Variants in FBLN7 observed in about 807,000 individuals in gnomAD.
The protein encoded by FBLN7 is fibulin 7.
A neutral mutation model predicts 44.0 loss-of-function variants in FBLN7; 31 were observed. The observed-to-expected ratio is 0.70, with a 90% confidence interval of 0.53 to 0.95. The LOEUF is 0.95. Among genes scored for constraint, FBLN7 ranks in the 40% least tolerant of loss-of-function variants. FBLN7 has a pLI of 0.00. For missense variants in FBLN7, 573 were observed against 618.5 expected (o/e 0.93, Z 0.78); for synonymous variants, 262 against 253.4 (o/e 1.03, Z -0.32).
At chr2:112,185,709 A>G (rs755017030) in intron 7 of FBLN7, among the ~76,000 whole-genome samples, 17 of 152,124 alleles carry the variant, frequency 1.1e-4, no homozygotes, top group Admixed American at 1.1e-3. Context: ...TATAGATCAC[A>G]TGGATTTGGG....
At chr2:112,210,348 G>A in the FBLN7 span, among the ~76,000 whole-genome samples, 1 of 151,872 alleles carries the variant, frequency 6.6e-6, no homozygotes, top group Non-Finnish European at 1.5e-5. Context: ...GTTGAAGAAG[G>A]TTGTTAAAAA....
At chr2:112,183,315 C>T (rs954142612) in intron 6 of FBLN7, among the ~76,000 whole-genome samples, 2 of 152,196 alleles carry the variant, frequency 1.3e-5, no homozygotes, top group Non-Finnish European at 2.9e-5. Context: ...GACCCTGTGT[C>T]CACCTGTAAG....
chr2:112,159,675 G>A lies in FBLN7; in HGVS notation c.76-1G>A. The A allele has an allele frequency of 1.9e-6, 3 of 1,548,844 alleles. No homozygotes were observed. The highest frequency in any genetic ancestry group is 1.7e-6 in the Non-Finnish European group (2 of 1,143,314). On this transcript the variant is annotated splice_acceptor_variant, in intron 1 of 7. Transcript: ENST00000331203. LOFTEE classifies it high-confidence loss of function. ...GTGGCGGCGATGTCTTCTCTCCGCA[G>A]AACTGTCTCAGCAAACAGCAGCTCC...
the FBLN7 span, among the ~76,000 whole-genome samples, chr2:112,195,672 G>A: frequency 2.0e-5 from 3 of 152,154 alleles, no homozygotes; most frequent in Admixed American, 1.3e-4. Flanking sequence ...GTGAGATAAC[G>A]TGGTTATGAT....
At chr2:112,237,946 T>C in the FBLN7 span, among the ~76,000 whole-genome samples, 2 of 152,246 alleles carry the variant, frequency 1.3e-5, no homozygotes, top group Non-Finnish European at 2.9e-5. Context: ...AATATATTTC[T>C]GAGTTACAGT....
the FBLN7 span, among the ~76,000 whole-genome samples, chr2:112,206,147 A>T: frequency 2.0e-4 from 30 of 152,268 alleles, no homozygotes; most frequent in African/African-American, 6.7e-4. Flanking sequence ...TATAATCTCA[A>T]ATTTGTGTGC....
the FBLN7 span, among the ~76,000 whole-genome samples, chr2:112,227,420 G>A: frequency 6.6e-6 from 1 of 152,238 alleles, no homozygotes; most frequent in South Asian, 2.1e-4. Flanking sequence ...AGGTACTCGG[G>A]AGGCTGAGGC....
At chr2:112,152,467 C>T (rs10207420) in intron 1 of FBLN7, 67,211 of 152,072 alleles carry the variant, frequency 0.44, 15,103 homozygotes, top group Middle Eastern at 0.64. Flanking sequence ...GGTGCAGAGC[C>T]CCAAAGGGAG....
chr2:112,234,152 A>G, the FBLN7 span: 2 of 1,600,140 alleles, frequency 1.2e-6, no homozygotes, highest in Non-Finnish European at 1.7e-6. Flanking sequence ...AAATATTTAC[A>G]AATTTGTTTT....
chr2:112,193,789 G>T, the FBLN7 span, among the ~76,000 whole-genome samples: 1 of 152,144 alleles, frequency 6.6e-6, no homozygotes, highest in East Asian at 1.9e-4. Flanking sequence ...TGAGGTAGTG[G>T]TGTAAAGCTT....
intron 3 of FBLN7, among the ~76,000 whole-genome samples, chr2:112,171,667 A>C (rs1682468270): frequency 6.6e-6 from 1 of 152,198 alleles, no homozygotes; most frequent in African/African-American, 2.4e-5. Context: ...ATACACATAC[A>C]TCCAAGTCGC....
At chr2:112,191,805 T>C (rs559210614), downstream of FBLN7, among the ~76,000 whole-genome samples, 1 of 152,184 alleles carries the variant, frequency 6.6e-6, no homozygotes, top group Non-Finnish European at 1.5e-5. Flanking sequence ...CCTGAAATTT[T>C]TAGAGATTGC....
the FBLN7 span, among the ~76,000 whole-genome samples, chr2:112,242,506 T>C: frequency 2.0e-5 from 3 of 152,236 alleles, no homozygotes; most frequent in Non-Finnish European, 4.4e-5. Flanking sequence ...AGTGCTTCAT[T>C]GAGTACCTCA....
At chr2:112,144,445 C>T (rs558565079) in intron 1 of FBLN7, among the ~76,000 whole-genome samples, 6 of 151,970 alleles carry the variant, frequency 3.9e-5, no homozygotes, top group South Asian at 4.1e-4. Context: ...AAATTAACTT[C>T]GTATAATGCA....
chr2:112,228,064 A>G, the FBLN7 span, among the ~76,000 whole-genome samples: 2 of 152,260 alleles, frequency 1.3e-5, no homozygotes, highest in Admixed American at 6.5e-5. Flanking sequence ...ATAGTAATCA[A>G]GACACTGTGA....
chr2:112,198,221 A>G, the FBLN7 span, among the ~76,000 whole-genome samples: 1 of 152,138 alleles, frequency 6.6e-6, no homozygotes, highest in Non-Finnish European at 1.5e-5. Context: ...GTCTCCCCCA[A>G]CCACCTAAAT....
intron 4 of FBLN7, among the ~76,000 whole-genome samples, chr2:112,180,804 T>TC (rs1476677978): frequency 6.6e-6 from 1 of 151,162 alleles, no homozygotes; most frequent in African/African-American, 2.4e-5. Context: ...GCGCCTGTAG[T>TC]CCCAGCTACT....
chr2:112,164,247 G>C (rs561645300), intron 2 of FBLN7, among the ~76,000 whole-genome samples: 1 of 152,278 alleles, frequency 6.6e-6, no homozygotes, highest in African/African-American at 2.4e-5. Context: ...AATAAATAAG[G>C]CTCCATTCAT....
chr2:112,237,091 C>T, the FBLN7 span, among the ~76,000 whole-genome samples: 1 of 152,100 alleles, frequency 6.6e-6, no homozygotes, highest in Non-Finnish European at 1.5e-5. Context: ...GTATGATTTA[C>T]AATAATTGAG....
Sources: gnomAD v4.1 joint callset for allele counts (sites outside exome capture counted in the v4.1 genomes callset) on GRCh38, gnomAD v4.1.1 for gene constraint, MANE v1.5 for transcripts, NCBI Gene and HGNC (gene_info 2026-07-23, HGNC 2026-07-21) for gene names.